The following PPFIBP2 variants were observed in gnomAD, a reference collection of about 807,000 sequenced individuals.
The protein encoded by PPFIBP2 is PPFIB scaffold protein 2, also known as liprin-beta-2.
PPFIBP2 carries 118 observed loss-of-function variants against 118.3 expected under a neutral mutation model. That is an observed-to-expected ratio of 1.00 (90% confidence interval 0.86 to 1.16). The LOEUF (loss-of-function observed/expected upper bound fraction) is 1.16, where lower values mean the gene tolerates loss of function less well. Ranked by LOEUF, PPFIBP2 falls within the 50% of genes most tolerant of loss-of-function variation. The pLI is 0.00. For missense variants in PPFIBP2, 1,195 were observed against 1,073.1 expected (o/e 1.11, Z -1.59); for synonymous variants, 414 against 397.4 (o/e 1.04, Z -0.50).
chr11:7,581,747 G>A (rs1293332495), intron 3 of PPFIBP2, among the ~76,000 whole-genome samples: 2 of 152,102 alleles, frequency 1.3e-5, no homozygotes, highest in African/African-American at 4.8e-5. Context: ...TCTCACCTCT[G>A]TGTAGACTTG....
intron 6 of PPFIBP2, among the ~76,000 whole-genome samples, chr11:7,615,198 A>T (rs915561887): frequency 2.6e-5 from 4 of 152,102 alleles, no homozygotes; most frequent in Admixed American, 6.5e-5. Flanking sequence ...TTAGCCAGGC[A>T]TGGTGGTACA....
chr11:7,618,654 A>G (rs1848971452), intron 6 of PPFIBP2, among the ~76,000 whole-genome samples: 1 of 152,222 alleles, frequency 6.6e-6, no homozygotes, highest in South Asian at 2.1e-4. Context: ...ACATCCAGTG[A>G]TGCAGATCAT....
chr11:7,539,575 T>C (rs1851561483), intron 1 of PPFIBP2: 1 of 152,302 alleles, frequency 6.6e-6, no homozygotes, highest in Admixed American at 6.5e-5. Context: ...TTCTCCCTTT[T>C]AGAATGGGAG....
intron 2 of PPFIBP2, among the ~76,000 whole-genome samples, chr11:7,555,190 C>T (rs779862840): frequency 2.2e-4 from 34 of 152,118 alleles, no homozygotes; most frequent in Non-Finnish European, 5.0e-4. Flanking sequence ...GACCAGAGAG[C>T]CACGTGGTCA....
intron 1 of PPFIBP2, among the ~76,000 whole-genome samples, chr11:7,542,757 A>G (rs559911423): frequency 6.6e-6 from 1 of 152,204 alleles, no homozygotes; most frequent in Non-Finnish European, 1.5e-5. Flanking sequence ...CAGGCTTGCT[A>G]CAGAACTGTA....
At chr11:7,579,424 G>C (rs966585496) in intron 3 of PPFIBP2, among the ~76,000 whole-genome samples, 3 of 152,126 alleles carry the variant, frequency 2.0e-5, no homozygotes, top group Admixed American at 1.3e-4. Flanking sequence ...TTTTGGCAAA[G>C]GTTTGCATCA....
chr11:7,660,559 T>C (rs1590848823), downstream of PPFIBP2, among the ~76,000 whole-genome samples: 3 of 150,324 alleles, frequency 2.0e-5, no homozygotes, highest in Admixed American at 1.3e-4. Context: ...CAGTATTTTA[T>C]TGAGGATTTT....
intron 1 of PPFIBP2, among the ~76,000 whole-genome samples, chr11:7,535,421 T>C (rs1851115566): frequency 6.6e-6 from 1 of 152,200 alleles, no homozygotes; most frequent in Non-Finnish European, 1.5e-5. Flanking sequence ...AGGAAGTGCG[T>C]CCAGCGTAGT....
intron 10 of PPFIBP2, 24 bp downstream of exon 10, chr11:7,629,558 G>T (rs7933316): frequency 4.4e-6 from 7 of 1,607,824 alleles, no homozygotes; most frequent in Admixed American, 1.7e-5. Context: ...CGATCCTACC[G>T]TTGTCTCTGA....
At chr11:7,573,961 C>G (rs1161290402) in intron 3 of PPFIBP2, 3 of 152,238 alleles carry the variant, frequency 2.0e-5, no homozygotes, top group Non-Finnish European at 4.4e-5. Context: ...GCAGGAGTAA[C>G]ACCTCAGGGG....
the PPFIBP2 span, chr11:7,665,811 A>G: frequency 1.3e-6 from 2 of 1,520,522 alleles, no homozygotes; most frequent in East Asian, 4.9e-5. Context: ...AGGAAGGAGA[A>G]CACAACGAGG....
At chr11:7,611,826 G>A (rs1848105007) in intron 6 of PPFIBP2, among the ~76,000 whole-genome samples, 1 of 152,240 alleles carries the variant, frequency 6.6e-6, no homozygotes, top group Non-Finnish European at 1.5e-5. Flanking sequence ...TGTAGACATA[G>A]ATACATTATT....
chr11:7,620,691 G>A (rs1490944219), intron 6 of PPFIBP2, among the ~76,000 whole-genome samples: 5 of 152,218 alleles, frequency 3.3e-5, no homozygotes, highest in Non-Finnish European at 7.3e-5. Context: ...AGAGAAAGGG[G>A]CAGGCAGAAC....
intron 1 of PPFIBP2, among the ~76,000 whole-genome samples, chr11:7,527,692 G>A (rs570856106): frequency 6.6e-6 from 1 of 152,162 alleles, no homozygotes; most frequent in Non-Finnish European, 1.5e-5. Context: ...CATTTGAGGT[G>A]TGTCCTGAAG....
At chr11:7,667,270 A>G in the PPFIBP2 span, 1 of 152,126 alleles carries the variant, frequency 6.6e-6, no homozygotes, top group Non-Finnish European at 1.5e-5. Context: ...GATAAAAACT[A>G]TGATGAAAAT....
chr11:7,537,241 A>C (rs1029053091), intron 1 of PPFIBP2, among the ~76,000 whole-genome samples: 4 of 152,226 alleles, frequency 2.6e-5, no homozygotes, highest in African/African-American at 9.7e-5. Context: ...CTGGCCACTG[A>C]GCTACATCTT....
At chr11:7,546,757 C>G (rs142653275) in intron 1 of PPFIBP2, among the ~76,000 whole-genome samples, 1 of 152,248 alleles carries the variant, frequency 6.6e-6, no homozygotes, top group Non-Finnish European at 1.5e-5. Flanking sequence ...CTTTCCTGTG[C>G]ACCACACTCT....
intron 9 of PPFIBP2, among the ~76,000 whole-genome samples, chr11:7,629,008 A>G (rs1297329810): frequency 2.0e-5 from 3 of 152,214 alleles, no homozygotes; most frequent in African/African-American, 7.2e-5. Context: ...TTGCCTTGAA[A>G]GAAACGATCT....
chr11:7,553,253 G>A (rs913213601), intron 2 of PPFIBP2, among the ~76,000 whole-genome samples: 5 of 151,866 alleles, frequency 3.3e-5, no homozygotes, highest in African/African-American at 7.3e-5. Flanking sequence ...CTAGTAGTTT[G>A]TATGTCCCAT....
Sources: allele counts gnomAD v4.1 joint callset (sites outside exome capture counted in the v4.1 genomes callset), GRCh38; gene constraint gnomAD v4.1.1; transcripts MANE v1.5; gene names NCBI Gene and HGNC (gene_info 2026-07-23, HGNC 2026-07-21).